Variants in LTK observed in about 807,000 individuals in gnomAD.
The protein encoded by LTK is leukocyte tyrosine kinase receptor.
LTK carries 117 observed loss-of-function variants against 101.5 expected under a neutral mutation model. That is an observed-to-expected ratio of 1.15 (90% CI 0.99 to 1.34). LTK has a LOEUF of 1.34. Among genes scored for constraint, LTK ranks in the 40% most tolerant of loss-of-function variants. LTK has a pLI of 0.00. For synonymous variants in LTK, 563 were observed against 494.2 expected, an observed-to-expected ratio of 1.14 and a Z score of -1.85; for missense variants, 1,252 against 1,164.7, an observed-to-expected ratio of 1.07 and a Z score of -1.09.
chr15:41,510,557 G>C (rs1044674357), intron 7 of LTK, among the ~76,000 whole-genome samples: 2 of 151,596 alleles, frequency 1.3e-5, no homozygotes, highest in East Asian at 3.9e-4. Flanking sequence ...CGCCTCCCAG[G>C]TTCAAGCAAT....
chr15:41,509,361 C>T (rs1440343573), intron 7 of LTK, among the ~76,000 whole-genome samples: 1 of 152,276 alleles, frequency 6.6e-6, no homozygotes, highest in East Asian at 1.9e-4. Context: ...CCCTCCTGTC[C>T]CATGTCCTCA....
intron 19 of LTK, 38 bp downstream of exon 19, chr15:41,504,304 C>CCA (rs1566861316): frequency 6.2e-7 from 1 of 1,612,290 alleles, no homozygotes; most frequent in East Asian, 2.2e-5. Context: ...CCCTCCTGAC[C>CCA]CACAAGACCA....
chr15:41,504,913 C>T, intron 16 of LTK, 39 bp from the exon 17 acceptor site: 2 of 1,602,570 alleles, frequency 1.2e-6, no homozygotes, highest in Non-Finnish European at 1.7e-6. Context: ...TTGTTCACCA[C>T]CAAGGTGCGG....
At position 41,511,999 on chromosome 15, in the gene LTK, G is replaced by A. The variant is rs945923199; in HGVS notation, c.511-36C>T. 2 of 1,442,794 alleles carry A rather than the reference G, an allele frequency of 1.4e-6. No homozygotes were observed. Among genetic ancestry groups the A allele is most frequent in the Admixed American group, 2.8e-5 (1 of 35,140 alleles). 89.4% of individuals were successfully genotyped at this position (1,442,794 alleles called of 1,614,324 possible). A position where few individuals can be genotyped will look rare whatever the true frequency, so the allele number is the denominator to read the frequency against. ...CGGGGGAGGGAATCGGCGGGGCCCG[G>A]GAGCCTCCCCTCGCTGTGCTGGTGA... On this transcript the variant is annotated intron_variant, in intron 4 of 19. Transcript: ENST00000263800. This position sits in a 1 kb window ranked among gnomAD's most constrained non-coding sequence, Gnocchi z 5.9.
Position 41,503,972 on chromosome 15 carries a change from C to T in LTK, c.*24G>A. 1 of 1,572,704 alleles carries T rather than the reference C, an allele frequency of 6.4e-7. No homozygotes were observed. The highest frequency in any genetic ancestry group is 8.6e-7 in the Non-Finnish European group (1 of 1,161,376). On this transcript the variant is annotated 3_prime_UTR_variant, in exon 20 of 20. Coordinates refer to ENST00000263800, the MANE Select transcript of LTK (RefSeq NM_002344.6). Reference sequence around the variant, plus strand: ...GGGAGGGACCCTCAGTGCCTCAGTCCTTACCCTCAGGGCCCCTTGGGGCTC... The same window carrying T: ...GGGAGGGACCCTCAGTGCCTCAGTCTTTACCCTCAGGGCCCCTTGGGGCTC...
chr15:41,505,039 G>A lies in LTK; in HGVS notation c.1951C>T (p.Leu651=), dbSNP rs1462576363. The A allele has an allele frequency of 1.9e-6, 3 of 1,613,348 alleles. No homozygotes were observed. The highest frequency in any genetic ancestry group is 2.5e-6 in the Non-Finnish European group (3 of 1,179,658). ...ACTCGGCTGGGTCCAGCGCAGCTCA[G>A]CAGGCAGTTCCGGGCGGCAATATCC... is the stretch of plus-strand genomic sequence containing the variant. The part of the protein sequence containing the change: ...HRDIAARNCL[L]SCAGPSRVAK... The change falls in exon 16 of 20, where the codon CTG becomes TTG. Residue 651 remains leucine (L), a synonymous_variant. Transcript: ENST00000263800.
Position 41,511,647 on chromosome 15 carries a change from G to A in LTK, c.658-69C>T, listed in dbSNP as rs1365105776. The A allele has an allele frequency of 7.1e-7, 1 of 1,399,726 alleles. No individual in the cohort carries two copies. Among genetic ancestry groups the A allele is most frequent in the East Asian group, 3.0e-5 (1 of 33,690 alleles). 86.7% of individuals were successfully genotyped at this position (1,399,726 alleles called of 1,614,324 possible). A position where few individuals can be genotyped will look rare whatever the true frequency, so the allele number is the denominator to read the frequency against. Reference sequence around the variant, plus strand: ...CCAGGGGCACTGCCACTGGGAGAGGGCTCCCGCCCAGGGGGCCTGGATAAG... The same window carrying A: ...CCAGGGGCACTGCCACTGGGAGAGGACTCCCGCCCAGGGGGCCTGGATAAG... On this transcript the variant is annotated intron_variant, in intron 5 of 19. Transcript: ENST00000263800. The surrounding 1 kb of genome is among the most constrained non-coding windows in gnomAD (Gnocchi z 5.9).
chr15:41,513,121 CT>C lies in LTK; in HGVS notation c.44-2del. On this transcript the variant is annotated splice_acceptor_variant, in intron 1 of 19. Coordinates refer to ENST00000263800, the MANE Select transcript of LTK (RefSeq NM_002344.6). LOFTEE classifies it high-confidence loss of function. ...CCCGGGCTAGAGCAGAGAATGGCGC[CT>C]GAAAGGTGTTGGGAGAAGGCGCAGG... The C allele has an allele frequency of 6.3e-7, 1 of 1,596,824 alleles. No homozygotes were observed. The highest frequency in any genetic ancestry group is 8.5e-7 in the Non-Finnish European group (1 of 1,172,948).
At chr15:41,512,293 G>T in intron 3 of LTK, 28 bp from the exon 4 acceptor site, 4 of 1,601,000 alleles carry the variant, frequency 2.5e-6, no homozygotes, top group Admixed American at 1.7e-5. Flanking sequence ...TGAGTCCCCG[G>T]CCTTCGGTGC....
chr15:41,513,566 C>A, intron 1 of LTK, 101 bp downstream of exon 1: 1 of 1,132,574 alleles, frequency 8.8e-7, no homozygotes, highest in East Asian at 2.4e-5. Context: ...AGTTCGAGGC[C>A]TCTGGAGGAA....
intron 11 of LTK, among the ~76,000 whole-genome samples, chr15:41,506,541 G>T (rs567130565): frequency 6.3e-4 from 96 of 152,062 alleles, no homozygotes; most frequent in Non-Finnish European, 1.2e-3. Context: ...CTGACCTCAG[G>T]TGATCCACCT....
rs150790185 is a variant in LTK, at chr15:41,504,362, G to A, written c.2326C>T (p.Arg776Cys). The A allele has an allele frequency of 6.3e-5, 102 of 1,614,134 alleles. No homozygotes were observed. In the Admixed American group the frequency reaches 6.3e-4, roughly 10 times the overall value. ...LRPSFASILE[R>C]LQYCTQDPDV... Reference sequence around the variant, plus strand: ...CACACCTGAGTGCAGTACTGCAGACGCTCCAAGATGCTGGCAAAGCTAGGG... The same window carrying A: ...CACACCTGAGTGCAGTACTGCAGACACTCCAAGATGCTGGCAAAGCTAGGG... Residue 776 changes from arginine (R) to cysteine (C), a missense_variant, in exon 19 of 20, where the codon CGT becomes TGT. By Grantham distance (180) the Arg-to-Cys change is radical. Coordinates refer to ENST00000263800, the MANE Select transcript of LTK (RefSeq NM_002344.6).
rs964886099 is a variant in LTK, at chr15:41,508,238, T to C, written c.1097-17A>G. On this transcript the variant is annotated splice_polypyrimidine_tract_variant and intron_variant, in intron 8 of 19. Coordinates refer to ENST00000263800, the MANE Select transcript of LTK (RefSeq NM_002344.6). ...TCTCGGTGACTGTGAGTAAAAGAAC[T>C]GATATGATATGGTGTGGTAGGGCTG... 3 of 1,604,150 alleles carry C rather than the reference T, an allele frequency of 1.9e-6. No individual in the cohort carries two copies. Among genetic ancestry groups the C allele is most frequent in the Non-Finnish European group, 2.6e-6 (3 of 1,175,006 alleles).
Position 41,511,280 on chromosome 15 carries a change from G to A in LTK, c.881C>T (p.Ala294Val). 5 of 1,416,042 alleles carry A rather than the reference G, an allele frequency of 3.5e-6. No homozygotes were observed. The highest frequency in any genetic ancestry group is 3.1e-5 in the East Asian group (1 of 32,678). The allele number at this position is 1,416,042 out of a possible 1,614,324, so 87.7% of individuals were successfully genotyped here. A position where few individuals can be genotyped will look rare whatever the true frequency, so the allele number is the denominator to read the frequency against. ...PQAGRSLQEG[A>V]EGGQGCSEAW... The stretch of plus-strand genomic sequence containing the variant: ...CTCGGAGCAGCCCTGGCCGCCCTCC[G>A]CCCCCTCCTGCAGTGAGCGGCCGGC... The change falls in exon 7 of 20, where the codon GCG (alanine) becomes GTG (valine). Residue 294 changes from alanine (A) to valine (V), a missense_variant. Transcript: ENST00000263800. The surrounding 1 kb of genome is among the most constrained non-coding windows in gnomAD (Gnocchi z 5.9).
Position 41,507,257 on chromosome 15 carries a change from A to G in LTK, c.1379T>C (p.Met460Thr). 6.2e-7 allele frequency: 1 copy of G among 1,607,312 alleles called. No homozygotes were observed. The highest frequency in any genetic ancestry group is 1.1e-5 in the South Asian group (1 of 90,640). Residue 460 changes from methionine to threonine, a missense_variant, in exon 11 of 20, where the codon ATG becomes ACG. Transcript: ENST00000263800. ...KQKKWQGLQE[M>T]RLPSPELELS... ...CTCAAGCTCAGGGCTCGGCAGCCTCATCTCCTGCAGGCCCTGCCACTTCTT... is the reference window on the plus strand; with the variant it reads ...CTCAAGCTCAGGGCTCGGCAGCCTCGTCTCCTGCAGGCCCTGCCACTTCTT...
rs1283977982 is a variant in LTK at position 41,505,430 on chromosome 15, T to C, written c.1798A>G (p.Ser600Gly). Reference sequence around the variant, plus strand: ...TGTGGCCGACTGTGCCTCAGGAAACTCTTCATGTCCCCTCCAGACATCAGT... The same window carrying C: ...TGTGGCCGACTGTGCCTCAGGAAACCCTTCATGTCCCCTCCAGACATCAGT... ...LELMSGGDMK[S>G]FLRHSRPHLG... Residue 600 changes from serine to glycine, a missense_variant, in exon 14 of 20, where the codon AGT becomes GGT. Coordinates refer to ENST00000263800, the MANE Select transcript of LTK (RefSeq NM_002344.6). 2.5e-6 allele frequency: 4 copies of C among 1,613,906 alleles called. No homozygotes were observed. Among genetic ancestry groups the C allele is most frequent in the Non-Finnish European group, 3.4e-6 (4 of 1,179,986 alleles).
chr15:41,507,783 G>T, intron 9 of LTK, 126 bp from the exon 10 acceptor site: 1 of 1,062,104 alleles, frequency 9.4e-7, no homozygotes, highest in Non-Finnish European at 1.3e-6. Context: ...CCATTATCCT[G>T]GGCAAAAGCA....
Position 41,512,691 on chromosome 15 carries a change from T to A in LTK, c.359+16A>T. On this transcript the variant is annotated intron_variant, in intron 3 of 19. Transcript: ENST00000263800. ...CTAGCAGGTCACTGTCCACCCTACC[T>A]CCGCCGTGCACTTACAGATACTGGC... 6.5e-7 allele frequency: 1 copy of A among 1,546,742 alleles called. No individual in the cohort carries two copies. Among genetic ancestry groups the A allele is most frequent in the South Asian group, 1.2e-5 (1 of 84,314 alleles).
Position 41,507,474 on chromosome 15 carries a change from A to G in LTK, c.1345+88T>C, listed in dbSNP as rs772922118. The G allele has an allele frequency of 2.1e-5, 33 of 1,561,160 alleles. No homozygotes were observed. In the East Asian group the frequency reaches 6.3e-4, roughly 30 times the overall value. ...GCTCTGCTGCGGTGAGTGGTCTTGA[A>G]GTCAGCCCCGGGACCCCGCAGAAAC... is the stretch of plus-strand genomic sequence containing the variant. On this transcript the variant is annotated intron_variant, in intron 10 of 19. Transcript: ENST00000263800.
Sources: allele counts gnomAD v4.1 joint callset (sites outside exome capture counted in the v4.1 genomes callset), GRCh38; gene constraint gnomAD v4.1.1; non-coding constraint Gnocchi (gnomAD v3.1); transcripts MANE v1.5; gene names NCBI Gene and HGNC (gene_info 2026-07-23, HGNC 2026-07-21).